NCOR1: variants seen among roughly 807,000 people sequenced by gnomAD.
NCOR1 encodes nuclear receptor corepressor 1.
NCOR1 carries 63 observed loss-of-function variants against 288.1 expected under a neutral mutation model. The observed-to-expected ratio is 0.22, with a 90% CI of 0.18 to 0.27. NCOR1 has a LOEUF of 0.27. Among genes scored for constraint, NCOR1 ranks in the 10% least tolerant of loss-of-function variants. The pLI, the probability that NCOR1 is intolerant of heterozygous loss-of-function variation, is 1.00. For synonymous variants in NCOR1, 1,007 were observed against 1,065.9 expected (o/e 0.94, Z 1.08); for missense variants, 2,397 against 3,019.2 (o/e 0.79, Z 4.83).
intron 2 of NCOR1, among the ~76,000 whole-genome samples, chr17:16,192,912 T>C (rs1366462938): frequency 2.0e-5 from 3 of 152,078 alleles, no homozygotes; most frequent in Non-Finnish European, 4.4e-5. Flanking sequence ...ACAGAAGTAT[T>C]ATGGGAAGCA....
intron 35 of NCOR1, among the ~76,000 whole-genome samples, chr17:16,062,570 G>A (rs994971264): frequency 6.6e-6 from 1 of 152,112 alleles, no homozygotes; most frequent in African/African-American, 2.4e-5. Context: ...GCACCAACAA[G>A]AAGTACTACT....
At chr17:16,095,653 C>T (rs1193672505) in intron 21 of NCOR1, among the ~76,000 whole-genome samples, 10 of 22,396 alleles carry the variant, frequency 4.5e-4, no homozygotes, top group African/African-American at 1.9e-3. Flanking sequence ...CCGCCCCGTC[C>T]GGGAGGGAGG....
chr17:16,107,553 T>G (rs2069038287), intron 19 of NCOR1, among the ~76,000 whole-genome samples: 1 of 152,152 alleles, frequency 6.6e-6, no homozygotes, highest in Non-Finnish European at 1.5e-5. Flanking sequence ...AAAATTAATT[T>G]CAGTTGCTGC....
chr17:16,138,288 G>C (rs1453596420), intron 12 of NCOR1, 76 bp from the exon 13 acceptor site: 1 of 1,304,616 alleles, frequency 7.7e-7, no homozygotes. Flanking sequence ...CTTGGGAAAA[G>C]AAAGACTATG....
At chr17:16,145,749 C>T (rs577058236) in intron 10 of NCOR1, among the ~76,000 whole-genome samples, 19 of 151,904 alleles carry the variant, frequency 1.3e-4, no homozygotes, top group African/African-American at 1.9e-4. Context: ...CCGCCCCATC[C>T]GGGGGGTGGG....
At chr17:16,063,880 C>T (rs971372101) in intron 35 of NCOR1, among the ~76,000 whole-genome samples, 188 bp downstream of exon 35, 12 of 152,170 alleles carry the variant, frequency 7.9e-5, no homozygotes, top group Non-Finnish European at 2.9e-5. Flanking sequence ...AACATTTTTC[C>T]GTGTAAAATT....
At chr17:16,138,939 G>A in intron 12 of NCOR1, 69 bp downstream of exon 12, 2 of 1,222,544 alleles carry the variant, frequency 1.6e-6, no homozygotes, top group Non-Finnish European at 1.1e-6. Flanking sequence ...CAATTTACAA[G>A]TAAATGCCAA....
chr17:16,098,236 G>T, intron 21 of NCOR1, 131 bp downstream of exon 21: 1 of 878,858 alleles, frequency 1.1e-6, no homozygotes, highest in Non-Finnish European at 1.8e-6. Flanking sequence ...AATTGGTTAC[G>T]ATTATTAATT....
chr17:16,149,639 A>C (rs1444447878), intron 8 of NCOR1, 122 bp from the exon 9 acceptor site: 7 of 427,880 alleles, frequency 1.6e-5, no homozygotes, highest in East Asian at 1.4e-4. Flanking sequence ...TGATGTAAAC[A>C]AAGTTAATCC....
chr17:16,048,940 G>A lies in NCOR1; in HGVS notation c.6441C>T (p.Tyr2147=), dbSNP rs144480346. ...PERSHVSSEP[Y]EPISPPQVPV... is the part of the protein sequence containing the mutation. ...GAACCTGGGGTGGGGAGATGGGCTC[G>A]TAGGGCTCCGAAGAGACGTGACTCC... is the stretch of plus-strand genomic sequence containing the variant. Residue 2147 remains tyrosine (Y), a synonymous_variant, in exon 41 of 46, where the codon TAC becomes TAT. Coordinates refer to ENST00000268712, the MANE Select transcript of NCOR1 (RefSeq NM_006311.4). 900 of 1,613,690 alleles carry A rather than the reference G, an allele frequency of 5.6e-4. 4 individuals are homozygous for A. In the African/African-American group the frequency reaches 9.9e-3, roughly 18 times the overall value.
At chr17:16,145,348 G>A (rs1177550886) in intron 10 of NCOR1, among the ~76,000 whole-genome samples, 2 of 151,000 alleles carry the variant, frequency 1.3e-5, no homozygotes, top group Non-Finnish European at 2.9e-5. Flanking sequence ...GAGCGTCTCT[G>A]CCTGGACGCC....
At chr17:16,136,917 T>A (rs1390672695) in intron 14 of NCOR1, among the ~76,000 whole-genome samples, 1 of 151,652 alleles carries the variant, frequency 6.6e-6, no homozygotes, top group Non-Finnish European at 1.5e-5. Flanking sequence ...GAATCTCTAA[T>A]CAAGGTACCA....
At chr17:16,080,142 G>GA (rs941611880) in intron 25 of NCOR1, 78 bp from the exon 26 acceptor site, 44 of 1,207,978 alleles carry the variant, frequency 3.6e-5, no homozygotes, top group Middle Eastern at 1.9e-4. Flanking sequence ...CCCTACTTGG[G>GA]AGAGTACTCA....
chr17:16,208,834 T>C (rs1280933458), intron 1 of NCOR1, among the ~76,000 whole-genome samples: 2 of 151,736 alleles, frequency 1.3e-5, no homozygotes, highest in Non-Finnish European at 2.9e-5. Context: ...ACAGACCCTC[T>C]GTAAAAAAGA....
intron 42 of NCOR1, among the ~76,000 whole-genome samples, chr17:16,042,164 G>GAA (rs2152072303): frequency 1.3e-5 from 2 of 152,142 alleles, no homozygotes; most frequent in Non-Finnish European, 2.9e-5. Context: ...AACTGACAGA[G>GAA]GAGAAAAGTC....
At chr17:16,208,206 A>ATTTTTTTTTT (rs757019446) in intron 1 of NCOR1, among the ~76,000 whole-genome samples, 321 of 65,560 alleles carry the variant, frequency 4.9e-3, no homozygotes, top group East Asian at 0.01. Flanking sequence ...ATGCCCAGCT[A>ATTTTTTTTTT]TTTTTTTTTT....
At chr17:16,125,858 G>C in intron 15 of NCOR1, among the ~76,000 whole-genome samples, 1 of 152,022 alleles carries the variant, frequency 6.6e-6, no homozygotes, top group African/African-American at 2.4e-5. Flanking sequence ...GATATAGAGA[G>C]TGGAATAAGA....
intron 3 of NCOR1, among the ~76,000 whole-genome samples, chr17:16,183,188 C>G (rs1033357759): frequency 1.1e-4 from 14 of 129,182 alleles, no homozygotes; most frequent in Admixed American, 3.3e-4. Context: ...GCAAACACTT[C>G]TAATCAACAT....
chr17:16,049,010 T>G (rs766913523), intron 40 of NCOR1, 22 bp from the exon 41 acceptor site: 1 of 1,573,184 alleles, frequency 6.4e-7, no homozygotes, highest in African/African-American at 1.4e-5. Flanking sequence ...TGTGAAATAT[T>G]AGATTGTGTT....
Sources: allele counts gnomAD v4.1 joint callset (sites outside exome capture counted in the v4.1 genomes callset), GRCh38; gene constraint gnomAD v4.1.1; transcripts MANE v1.5; gene names NCBI Gene and HGNC (gene_info 2026-07-23, HGNC 2026-07-21).